The following LPCAT3 variants were observed in gnomAD, a reference collection of about 807,000 sequenced individuals.
The protein encoded by LPCAT3 is lysophospholipid acyltransferase 5.
In LPCAT3, 21 loss-of-function variants were observed where a neutral mutation model predicts 63.4. That is an observed-to-expected ratio of 0.33 (90% CI 0.23 to 0.48). The LOEUF (loss-of-function observed/expected upper bound fraction) is 0.48. Among genes scored for constraint, LPCAT3 ranks in the 20% least tolerant of loss-of-function variants. The pLI, the probability that LPCAT3 is intolerant of heterozygous loss-of-function variation, is 0.99. For missense variants in LPCAT3, 451 were observed against 590.6 expected (o/e 0.76, Z 2.45); for synonymous variants, 242 against 227.5 (o/e 1.06, Z -0.58).
intron 1 of LPCAT3, among the ~76,000 whole-genome samples, chr12:6,999,977 T>G (rs73046111): frequency 0.16 from 23,513 of 146,622 alleles, 2,587 homozygotes; most frequent in Admixed American, 0.34. Flanking sequence ...TGGAGTGCAG[T>G]AGTGCAGTCT....
intron 1 of LPCAT3, among the ~76,000 whole-genome samples, chr12:7,002,610 C>T (rs1019295928): frequency 6.6e-6 from 1 of 152,148 alleles, no homozygotes; most frequent in African/African-American, 2.4e-5. Flanking sequence ...TAAAGATAAC[C>T]ATGAGAATAC....
chr12:6,980,527 G>T (rs191732668), intron 6 of LPCAT3, among the ~76,000 whole-genome samples: 128 of 151,350 alleles, frequency 8.5e-4, no homozygotes, highest in African/African-American at 3.1e-3. Flanking sequence ...GATAATTTTT[G>T]TATTTTTTTG....
rs782393457 is a variant in LPCAT3, at chr12:6,977,269, A to G, written c.1348-7T>C. The G allele has an allele frequency of 8.7e-6, 14 of 1,611,478 alleles. No homozygotes were observed. Among genetic ancestry groups the G allele is most frequent in the Admixed American group, 6.7e-5 (4 of 59,998 alleles). On this transcript the variant is annotated splice_polypyrimidine_tract_variant and splice_region_variant and intron_variant, in intron 11 of 12. Transcript: ENST00000261407. The surrounding 1 kb of genome is among the most constrained non-coding windows in gnomAD (Gnocchi z 4.5). ...AATAGATGGATTTATACACCTGTGGAGAGAGAGGCCACTAAGGTAGACAGG... is the reference window on the plus strand; with the variant it reads ...AATAGATGGATTTATACACCTGTGGGGAGAGAGGCCACTAAGGTAGACAGG...
chr12:6,995,738 A>G (rs1946631018), intron 1 of LPCAT3, among the ~76,000 whole-genome samples: 1 of 152,104 alleles, frequency 6.6e-6, no homozygotes, highest in Non-Finnish European at 1.5e-5. Context: ...GCTCCTGCTC[A>G]GAAACCATCA....
intron 6 of LPCAT3, 46 bp from the exon 7 acceptor site, chr12:6,979,625 A>T (rs782269664): frequency 7.5e-7 from 1 of 1,331,772 alleles, no homozygotes; most frequent in Non-Finnish European, 1.1e-6. Flanking sequence ...AGCAGAGACT[A>T]TTCCCTTCAC....
chr12:6,982,197 G>A (rs1273971410), intron 3 of LPCAT3, among the ~76,000 whole-genome samples: 2 of 152,014 alleles, frequency 1.3e-5, no homozygotes, highest in East Asian at 1.9e-4. Context: ...CCAGGCTGGA[G>A]GGCTAATTTT....
intron 1 of LPCAT3, among the ~76,000 whole-genome samples, chr12:6,988,719 T>A (rs1946554335): frequency 6.6e-6 from 1 of 152,112 alleles, no homozygotes; most frequent in African/African-American, 2.4e-5. Context: ...CCCACTAACA[T>A]CCGAATGCAG....
intron 1 of LPCAT3, among the ~76,000 whole-genome samples, chr12:6,997,055 A>G (rs782611084): frequency 2.0e-5 from 3 of 152,300 alleles, no homozygotes; most frequent in African/African-American, 7.2e-5. Context: ...GAAAAGGACA[A>G]ATTAAAGATG....
chr12:6,990,805 T>A (rs1946582217), intron 1 of LPCAT3, among the ~76,000 whole-genome samples: 1 of 149,592 alleles, frequency 6.7e-6, no homozygotes, highest in African/African-American at 2.5e-5. Flanking sequence ...TGATCCCAGC[T>A]ACTTGGGAGG....
intron 4 of LPCAT3, 86 bp downstream of exon 4, chr12:6,981,725 G>C: frequency 7.1e-7 from 1 of 1,406,584 alleles, no homozygotes; most frequent in Non-Finnish European, 1.0e-6. Context: ...GTATGGCGGG[G>C]GGCGGAGGGG....
At chr12:6,986,748 G>A (rs1946529905) in intron 1 of LPCAT3, among the ~76,000 whole-genome samples, 1 of 139,232 alleles carries the variant, frequency 7.2e-6, no homozygotes, top group South Asian at 2.3e-4. Flanking sequence ...GCAGTGAGCA[G>A]AGAGAGCCAC....
intron 2 of LPCAT3, 165 bp downstream of exon 2, chr12:6,983,266 GA>G: frequency 3.4e-6 from 2 of 590,626 alleles, no homozygotes; most frequent in Non-Finnish European, 6.1e-6. Flanking sequence ...GTACATAAAA[GA>G]AAAAAAGGAA....
chr12:7,001,993 A>G (rs1380088458), intron 1 of LPCAT3, among the ~76,000 whole-genome samples: 4 of 152,084 alleles, frequency 2.6e-5, no homozygotes, highest in Non-Finnish European at 5.9e-5. Flanking sequence ...AGAGCTACGT[A>G]TTTTAGATGC....
intron 6 of LPCAT3, 137 bp downstream of exon 6, chr12:6,980,867 G>T: frequency 1.4e-6 from 1 of 707,802 alleles, no homozygotes; most frequent in Non-Finnish European, 2.2e-6. Flanking sequence ...GGCACAGAGT[G>T]CCTGTTACAA....
At chr12:6,983,972 G>A (rs781853499) in intron 1 of LPCAT3, among the ~76,000 whole-genome samples, 11 of 152,052 alleles carry the variant, frequency 7.2e-5, no homozygotes, top group East Asian at 1.9e-4. Context: ...GCGAAACCCC[G>A]TCTCTATTAA....
rs782336148 is a variant in LPCAT3 at position 6,978,481 on chromosome 12, C to T, written c.900G>A (p.Leu300=). The T allele has an allele frequency of 5.6e-6, 9 of 1,613,716 alleles. No homozygotes were observed. Among genetic ancestry groups the T allele is most frequent in the Non-Finnish European group, 6.8e-6 (8 of 1,179,680 alleles). The part of the protein sequence containing the change: ...VTEGVCILTG[L]GFNGFEEKGK... ...CCTTTTCTTCAAAGCCATTGAAGCC[C>T]AGGCCCGTCAAAATGCATACTCCTT... Residue 300 remains leucine, a synonymous_variant, in exon 9 of 13, where the codon CTG becomes CTA. Transcript: ENST00000261407.
At chr12:6,986,587 A>G (rs1946528260) in intron 1 of LPCAT3, among the ~76,000 whole-genome samples, 1 of 151,928 alleles carries the variant, frequency 6.6e-6, no homozygotes, top group South Asian at 2.1e-4. Flanking sequence ...AATCGAGACC[A>G]TCCTGGCTAA....
At chr12:7,007,582 C>CCGA (rs1555156948) in intron 1 of LPCAT3, among the ~76,000 whole-genome samples, 1 of 151,094 alleles carries the variant, frequency 6.6e-6, no homozygotes, top group Non-Finnish European at 1.5e-5. Flanking sequence ...GCAACCTCCC[C>CCGA]CTCCCAGGTT....
At chr12:6,993,414 C>T (rs763486338) in intron 1 of LPCAT3, among the ~76,000 whole-genome samples, 16 of 151,314 alleles carry the variant, frequency 1.1e-4, no homozygotes, top group Non-Finnish European at 8.8e-5. Context: ...AGCCTGGCAA[C>T]AGAGCGAGAC....
Sources: gnomAD v4.1 joint callset for allele counts (sites outside exome capture counted in the v4.1 genomes callset) on GRCh38, gnomAD v4.1.1 for gene constraint, Gnocchi (gnomAD v3.1) non-coding constraint, MANE v1.5 for transcripts, NCBI Gene and HGNC (gene_info 2026-07-23, HGNC 2026-07-21) for gene names.